C2CD5: variants seen among roughly 807,000 people sequenced by gnomAD.
The protein encoded by C2CD5 is C2 domain-containing protein 5.
A neutral mutation model predicts 130.3 loss-of-function variants in C2CD5; 109 were observed. The observed-to-expected ratio is 0.84, with a 90% confidence interval of 0.72 to 0.98. The LOEUF (loss-of-function observed/expected upper bound fraction) is 0.98, where lower values mean the gene tolerates loss of function less well. C2CD5 is among the 50% of genes least tolerant of loss of function. The probability of loss-of-function intolerance (pLI) is 0.00; values close to 1 mark genes in which losing one functional copy is unlikely to be tolerated. For missense variants in C2CD5, 996 were observed against 1,261.8 expected (o/e 0.79, Z 3.19); for synonymous variants, 454 against 429.2 (o/e 1.06, Z -0.71).
At chr12:22,451,768 G>A (rs112880585) in intron 26 of C2CD5, among the ~76,000 whole-genome samples, 1 of 152,084 alleles carries the variant, frequency 6.6e-6, no homozygotes, top group Non-Finnish European at 1.5e-5. Flanking sequence ...TAGGAGAGGT[G>A]AGGGGGGCAA....
chr12:22,477,473 C>T (rs966692875), intron 15 of C2CD5: 2 of 151,952 alleles, frequency 1.3e-5, no homozygotes, highest in East Asian at 1.9e-4. Flanking sequence ...TTAGATAAGA[C>T]GTTTAAAATA....
At chr12:22,453,468 G>A (rs1039967316) in intron 26 of C2CD5, among the ~76,000 whole-genome samples, 2 of 152,112 alleles carry the variant, frequency 1.3e-5, no homozygotes, top group African/African-American at 4.8e-5. Context: ...TCCCCATTAA[G>A]AGAATAACAC....
rs1488088612 is a variant in C2CD5 at position 22,519,794 on chromosome 12, T to A, written c.801-1657A>T. On this transcript the variant is annotated intron_variant, in intron 7 of 26. Coordinates refer to ENST00000446597, the MANE Select transcript of C2CD5 (RefSeq NM_001286176.2). Reference sequence around the variant, plus strand: ...CACAAAGAGAAATGAGTGAACTGATTGGATATACGCAGATAAACATATTCC... The same window carrying A: ...CACAAAGAGAAATGAGTGAACTGATAGGATATACGCAGATAAACATATTCC... Among the ~76,000 whole-genome samples the A allele has an allele frequency of 2.6e-5, 4 of 152,100 alleles. No homozygotes were observed. In the East Asian group the frequency reaches 7.7e-4, roughly 29 times the overall value.
At chr12:22,508,328 C>A (rs1483379830) in intron 9 of C2CD5, among the ~76,000 whole-genome samples, 4 of 151,984 alleles carry the variant, frequency 2.6e-5, no homozygotes, top group African/African-American at 9.7e-5. Flanking sequence ...TATAGCCCAG[C>A]AGAAAGGTAG....
chr12:22,453,690 C>T (rs570687777), intron 26 of C2CD5, among the ~76,000 whole-genome samples: 1 of 152,232 alleles, frequency 6.6e-6, no homozygotes, highest in Non-Finnish European at 1.5e-5. Context: ...AAGAATAATA[C>T]CCTAGTTACC....
chr12:22,502,783 T>C, intron 10 of C2CD5: 2 of 1,531,648 alleles, frequency 1.3e-6, no homozygotes, highest in Non-Finnish European at 1.7e-6. Context: ...AGATCTTGTG[T>C]TACCCATAAT....
intron 3 of C2CD5, among the ~76,000 whole-genome samples, chr12:22,529,250 C>A (rs889041113): frequency 2.0e-5 from 3 of 152,166 alleles, no homozygotes; most frequent in African/African-American, 7.2e-5. Context: ...TCCAAATCAT[C>A]TGTCATCCAA....
Position 22,449,641 on chromosome 12 carries a change from T to C in C2CD5, c.*119A>G, listed in dbSNP as rs1938084455. 4 of 904,086 alleles carry C rather than the reference T, an allele frequency of 4.4e-6. No homozygotes were observed. The Admixed American group carries it at 9.8e-5, about 22-fold the overall frequency. The allele number at this position is 904,086 out of a possible 1,614,324, so 56.0% of individuals were successfully genotyped here. ...TCCAAAAGACTCCAGGCAAATCAAA[T>C]CTACTCAATTCTTCCTTATTTATCT... On this transcript the variant is annotated 3_prime_UTR_variant, in exon 27 of 27. Coordinates refer to ENST00000446597, the MANE Select transcript of C2CD5 (RefSeq NM_001286176.2).
At chr12:22,534,221 C>T (rs1219130771) in intron 3 of C2CD5, among the ~76,000 whole-genome samples, 1 of 152,124 alleles carries the variant, frequency 6.6e-6, no homozygotes, top group African/African-American at 2.4e-5. Context: ...CCTCTTACTG[C>T]ACTCCATTAT....
At chr12:22,459,930 G>T (rs574573562) in intron 22 of C2CD5, among the ~76,000 whole-genome samples, 1 of 152,184 alleles carries the variant, frequency 6.6e-6, no homozygotes, top group Non-Finnish European at 1.5e-5. Flanking sequence ...GAAAATGTTT[G>T]CTGTGGGGAA....
At chr12:22,462,571 T>C (rs1941363832) in intron 22 of C2CD5, among the ~76,000 whole-genome samples, 1 of 152,150 alleles carries the variant, frequency 6.6e-6, no homozygotes, top group African/African-American at 2.4e-5. Context: ...CTAACCCAGG[T>C]TAAAATCAGC....
chr12:22,456,114 T>C (rs1040447444), intron 25 of C2CD5, among the ~76,000 whole-genome samples: 6 of 152,208 alleles, frequency 3.9e-5, no homozygotes, highest in African/African-American at 1.4e-4. Flanking sequence ...ATGGTGAGTA[T>C]GATATTAAAG....
At chr12:22,463,060 G>C (rs1941457022) in intron 22 of C2CD5, among the ~76,000 whole-genome samples, 1 of 151,468 alleles carries the variant, frequency 6.6e-6, no homozygotes, top group South Asian at 2.1e-4. Flanking sequence ...CTCCAGCCTG[G>C]GGGACAGAGT....
chr12:22,525,589 T>C lies in C2CD5; in HGVS notation c.445+21A>G, dbSNP rs775497718. The C allele has an allele frequency of 3.9e-6, 4 of 1,037,456 alleles. No homozygotes were observed. In the South Asian group the frequency reaches 5.1e-5, roughly 13 times the overall value. 64.3% of individuals were successfully genotyped at this position (1,037,456 alleles called of 1,614,324 possible). The stretch of plus-strand genomic sequence containing the variant: ...AACAGTTATTACATTTCCTGTTGAG[T>C]AATAGAATGTATTTACTTACTGCAA... On this transcript the variant is annotated intron_variant, in intron 5 of 26. Transcript: ENST00000446597.
intron 10 of C2CD5, among the ~76,000 whole-genome samples, chr12:22,497,132 G>A (rs1354376282): frequency 6.6e-6 from 1 of 152,088 alleles, no homozygotes; most frequent in African/African-American, 2.4e-5. Flanking sequence ...GAAATGTTAA[G>A]TTCAGTTCAT....
chr12:22,527,637 C>T, intron 4 of C2CD5, 84 bp downstream of exon 4: 1 of 827,698 alleles, frequency 1.2e-6, no homozygotes, highest in Non-Finnish European at 1.8e-6. Flanking sequence ...ATATTTTAAA[C>T]CAGCAAATAT....
At chr12:22,481,357 G>T (rs1257414839) in intron 14 of C2CD5, among the ~76,000 whole-genome samples, 6 of 152,080 alleles carry the variant, frequency 3.9e-5, no homozygotes, top group African/African-American at 1.4e-4. Context: ...CAAAAAGATG[G>T]CAAGAGAATT....
In C2CD5 at chr12:22,544,184, A is replaced by C. The variant is rs760251126; in HGVS notation, c.-29-5T>G. On this transcript the variant is annotated splice_polypyrimidine_tract_variant and splice_region_variant and intron_variant, in intron 1 of 26. Coordinates refer to ENST00000446597, the MANE Select transcript of C2CD5 (RefSeq NM_001286176.2). The stretch of plus-strand genomic sequence containing the variant: ...TTTCGGCCTCTTCTTGGGCTCCTGC[A>C]GAAACAAACAAACGAGTCTGCGCCG... 1.2e-6 allele frequency: 2 copies of C among 1,601,036 alleles called. No individual in the cohort carries two copies. The highest frequency in any genetic ancestry group is 1.7e-6 in the Non-Finnish European group (2 of 1,168,238).
At chr12:22,502,454 A>G (rs1282181793) in intron 10 of C2CD5, among the ~76,000 whole-genome samples, 5 of 152,130 alleles carry the variant, frequency 3.3e-5, no homozygotes, top group Non-Finnish European at 7.4e-5. Flanking sequence ...ACCATCCAAA[A>G]TGTAATAAAT....
Sources: gnomAD v4.1 joint callset for allele counts (sites outside exome capture counted in the v4.1 genomes callset) on GRCh38, gnomAD v4.1.1 for gene constraint, MANE v1.5 for transcripts, NCBI Gene and HGNC (gene_info 2026-07-23, HGNC 2026-07-21) for gene names.